Variants in SMOC2 observed in about 807,000 individuals in gnomAD.
SMOC2 encodes SPARC-related modular calcium-binding protein 2.
Under a neutral mutation model 61.4 loss-of-function variants are expected in SMOC2, and 39 were observed. That is an observed-to-expected ratio of 0.64 (90% CI 0.49 to 0.83). SMOC2 has a LOEUF of 0.83. Among genes scored for constraint, SMOC2 ranks in the 40% least tolerant of loss-of-function variants. The pLI, the probability that SMOC2 is intolerant of heterozygous loss-of-function variation, is 0.00. For synonymous variants in SMOC2, 247 were observed against 239.9 expected, an observed-to-expected ratio of 1.03 and a Z score of -0.27; for missense variants, 556 against 592.9, an observed-to-expected ratio of 0.94 and a Z score of 0.65.
intron 7 of SMOC2, among the ~76,000 whole-genome samples, chr6:168,550,344 A>C (rs1308395315): frequency 6.6e-6 from 1 of 152,232 alleles, no homozygotes; most frequent in African/African-American, 2.4e-5. Flanking sequence ...TTACAAAAAA[A>C]ATCAAAAGGT....
At chr6:168,460,801 C>T (rs551830961) in intron 1 of SMOC2, among the ~76,000 whole-genome samples, 1 of 152,322 alleles carries the variant, frequency 6.6e-6, no homozygotes, top group African/African-American at 2.4e-5. Flanking sequence ...TGTTAAGAGA[C>T]AAAAGCATCA....
intron 1 of SMOC2, among the ~76,000 whole-genome samples, chr6:168,462,840 T>C (rs1001036032): frequency 1.3e-4 from 19 of 150,716 alleles, no homozygotes; most frequent in African/African-American, 3.9e-4. Flanking sequence ...TGTAGAGCTG[T>C]GTGATTTAGT....
At chr6:168,516,846 C>G (rs890986646) in intron 2 of SMOC2, among the ~76,000 whole-genome samples, 1 of 152,168 alleles carries the variant, frequency 6.6e-6, no homozygotes, top group Non-Finnish European at 1.5e-5. Flanking sequence ...TCCAGCTACT[C>G]AGGAGGCTGA....
intron 7 of SMOC2, among the ~76,000 whole-genome samples, chr6:168,595,912 A>G: frequency 6.6e-6 from 1 of 152,268 alleles, no homozygotes. Context: ...ATGTTCCTGG[A>G]TAAAGCACAG....
chr6:168,447,917 C>T (rs2114990483), intron 1 of SMOC2, among the ~76,000 whole-genome samples: 1 of 151,884 alleles, frequency 6.6e-6, no homozygotes, highest in East Asian at 1.9e-4. Flanking sequence ...GTTCAGTGAT[C>T]AGTGAAGGCG....
At chr6:168,662,711 G>T (rs1172529034) in intron 11 of SMOC2, among the ~76,000 whole-genome samples, 1 of 152,162 alleles carries the variant, frequency 6.6e-6, no homozygotes, top group Non-Finnish European at 1.5e-5. Context: ...TGTCTGCTCG[G>T]GTCCACGTGG....
intron 1 of SMOC2, among the ~76,000 whole-genome samples, chr6:168,469,790 C>T (rs958315635): frequency 1.3e-5 from 2 of 152,110 alleles, no homozygotes; most frequent in Non-Finnish European, 2.9e-5. Flanking sequence ...AGTGCGTCCT[C>T]ACCGCTGCAG....
intron 2 of SMOC2, among the ~76,000 whole-genome samples, chr6:168,518,239 C>T (rs1477595799): frequency 6.6e-6 from 1 of 152,230 alleles, no homozygotes; most frequent in Non-Finnish European, 1.5e-5. Context: ...TCATTTTCCT[C>T]AGAGAACGGG....
intron 7 of SMOC2, among the ~76,000 whole-genome samples, chr6:168,590,842 G>C (rs915403902): frequency 2.0e-5 from 3 of 152,122 alleles, no homozygotes; most frequent in Non-Finnish European, 2.9e-5. Context: ...TGAACAAACT[G>C]TCAGACACAT....
At chr6:168,509,111 G>C (rs1395571998) in intron 1 of SMOC2, among the ~76,000 whole-genome samples, 1 of 152,166 alleles carries the variant, frequency 6.6e-6, no homozygotes, top group Non-Finnish European at 1.5e-5. Flanking sequence ...AAACACACGG[G>C]GCCAGCACGC....
intron 10 of SMOC2, among the ~76,000 whole-genome samples, chr6:168,652,077 T>A (rs34458026): frequency 0.16 from 23,963 of 151,526 alleles, 1,989 homozygotes; most frequent in African/African-American, 0.18. Context: ...AGAGTCAAAC[T>A]GTATGTAAAT....
chr6:168,457,459 G>A (rs1240428225), intron 1 of SMOC2, among the ~76,000 whole-genome samples: 9 of 152,176 alleles, frequency 5.9e-5, no homozygotes, highest in Admixed American at 4.6e-4. Flanking sequence ...TGACTTCATC[G>A]CCTTGTGTTT....
At chr6:168,659,718 G>T (rs80263228) in intron 11 of SMOC2, among the ~76,000 whole-genome samples, 5 of 51,610 alleles carry the variant, frequency 9.7e-5, no homozygotes, top group South Asian at 7.6e-4. Flanking sequence ...TGTAGGCTGA[G>T]TGAGGGTGGA....
At chr6:168,579,194 T>G (rs1279534893) in intron 7 of SMOC2, among the ~76,000 whole-genome samples, 1 of 152,164 alleles carries the variant, frequency 6.6e-6, no homozygotes, top group Non-Finnish European at 1.5e-5. Context: ...TGGCATTGGG[T>G]TCCCAAGCAT....
intron 1 of SMOC2, among the ~76,000 whole-genome samples, chr6:168,494,102 A>C (rs1356597659): frequency 6.6e-6 from 1 of 152,200 alleles, no homozygotes; most frequent in East Asian, 1.9e-4. Context: ...TATTCCAGGC[A>C]TATTGGTCTG....
chr6:168,628,349 T>C (rs1164371256), intron 9 of SMOC2, among the ~76,000 whole-genome samples: 1 of 152,206 alleles, frequency 6.6e-6, no homozygotes, highest in Non-Finnish European at 1.5e-5. Flanking sequence ...CTGCCATAAA[T>C]TAATATCACC....
At chr6:168,598,415 A>T (rs963127565) in intron 7 of SMOC2, among the ~76,000 whole-genome samples, 1 of 152,198 alleles carries the variant, frequency 6.6e-6, no homozygotes, top group Non-Finnish European at 1.5e-5. Flanking sequence ...CCTCAATGAC[A>T]CGTGGCTCGG....
intron 7 of SMOC2, among the ~76,000 whole-genome samples, chr6:168,555,793 G>A (rs1784233929): frequency 6.6e-6 from 1 of 152,112 alleles, no homozygotes; most frequent in South Asian, 2.1e-4. Context: ...GAGGACCGTC[G>A]AGCTTGATCC....
intron 7 of SMOC2, among the ~76,000 whole-genome samples, chr6:168,568,189 T>A (rs932916398): frequency 1.7e-4 from 26 of 152,148 alleles, no homozygotes; most frequent in African/African-American, 6.0e-4. Context: ...TCTCTTCAGA[T>A]GAGCAACTAC....
Sources: allele counts gnomAD v4.1 joint callset (sites outside exome capture counted in the v4.1 genomes callset), GRCh38; gene constraint gnomAD v4.1.1; transcripts MANE v1.5; gene names NCBI Gene and HGNC (gene_info 2026-07-23, HGNC 2026-07-21).